The following ZNF385B variants were observed in gnomAD, a reference collection of about 807,000 sequenced individuals.
ZNF385B encodes zinc finger protein 385B, also known as zinc finger protein 533.
A neutral mutation model predicts 39.2 loss-of-function variants in ZNF385B; 23 were observed. The observed-to-expected ratio is 0.59, with a 90% CI of 0.42 to 0.83. The LOEUF is 0.83. Among genes scored for constraint, ZNF385B ranks in the 40% least tolerant of loss-of-function variants. ZNF385B has a pLI of 0.00. For synonymous variants in ZNF385B, 205 were observed against 222.6 expected (o/e 0.92, Z 0.70); for missense variants, 552 against 598.9 (o/e 0.92, Z 0.82).
chr2:179,578,250 C>T (rs373289543), intron 3 of ZNF385B, among the ~76,000 whole-genome samples: 28 of 152,052 alleles, frequency 1.8e-4, no homozygotes, highest in African/African-American at 5.6e-4. Context: ...TTCATTCTAA[C>T]GAAGACAGGG....
chr2:179,581,456 T>C (rs776482530), intron 3 of ZNF385B, among the ~76,000 whole-genome samples: 17 of 151,900 alleles, frequency 1.1e-4, no homozygotes, highest in Non-Finnish European at 1.6e-4. Flanking sequence ...AATGCAAACA[T>C]AGTTTCCTAG....
intron 5 of ZNF385B, among the ~76,000 whole-genome samples, chr2:179,493,750 T>C (rs1236384236): frequency 3.8e-5 from 5 of 130,520 alleles, no homozygotes; most frequent in African/African-American, 6.1e-5. Flanking sequence ...TACATATGTG[T>C]ATATACATAT....
In ZNF385B at chr2:179,623,062, C is replaced by T. The variant is rs79549589; in HGVS notation, c.299-78093G>A. Among the ~76,000 whole-genome samples the T allele has an allele frequency of 3.0e-3, 453 of 152,256 alleles. 5 individuals are homozygous for T. The highest frequency in any genetic ancestry group is 0.01 in the African/African-American group (429 of 41,556). ...CAAAACTGAAAATGTTGGCACTTGG[C>T]GCTAAGAAGTTGTGATGCACTTGAG... On this transcript the variant is annotated intron_variant, in intron 3 of 9. Coordinates refer to ENST00000410066, the MANE Select transcript of ZNF385B (RefSeq NM_152520.6).
intron 3 of ZNF385B, among the ~76,000 whole-genome samples, chr2:179,625,813 G>C (rs949049133): frequency 6.6e-6 from 1 of 152,156 alleles, no homozygotes; most frequent in Non-Finnish European, 1.5e-5. Flanking sequence ...GACAGGTCAT[G>C]TAGTAAGATC....
intron 3 of ZNF385B, among the ~76,000 whole-genome samples, chr2:179,694,956 A>AGAGGAGGAGGAGGAG (rs71994313): frequency 1.3e-5 from 2 of 148,592 alleles, no homozygotes; most frequent in Non-Finnish European, 3.0e-5. Context: ...AAAAGAAAGA[A>AGAGGAGGAGGAGGAG]GAGGAGGAGG....
At chr2:179,475,418 A>G (rs895874182) in intron 6 of ZNF385B, among the ~76,000 whole-genome samples, 2 of 151,774 alleles carry the variant, frequency 1.3e-5, no homozygotes, top group South Asian at 2.1e-4. Context: ...TGCCCAGCTA[A>G]TTTTTGTATT....
At chr2:179,473,871 G>A (rs1430022398) in intron 6 of ZNF385B, among the ~76,000 whole-genome samples, 1 of 152,094 alleles carries the variant, frequency 6.6e-6, no homozygotes, top group Non-Finnish European at 1.5e-5. Flanking sequence ...TCTTTTTTAT[G>A]GCTGCATAGT....
chr2:179,814,491 A>T (rs1311383648), intron 1 of ZNF385B: 10 of 611,088 alleles, frequency 1.6e-5, no homozygotes, highest in African/African-American at 7.6e-5. Context: ...TCCATGCACT[A>T]TCATGTTTTT....
chr2:179,517,708 T>C (rs1446356200), intron 5 of ZNF385B, among the ~76,000 whole-genome samples: 1 of 152,182 alleles, frequency 6.6e-6, no homozygotes, highest in Non-Finnish European at 1.5e-5. Context: ...CTTCGGATTC[T>C]GATTTACATC....
chr2:179,491,355 T>C (rs1054159849), intron 5 of ZNF385B, among the ~76,000 whole-genome samples: 1 of 152,216 alleles, frequency 6.6e-6, no homozygotes, highest in Non-Finnish European at 1.5e-5. Context: ...CAAATGTATA[T>C]GTAAACTCTT....
chr2:179,447,541 C>G (rs2049627221), intron 6 of ZNF385B, among the ~76,000 whole-genome samples: 1 of 152,286 alleles, frequency 6.6e-6, no homozygotes, highest in African/African-American at 2.4e-5. Flanking sequence ...TTAACAGAAT[C>G]TAACTCATTG....
At chr2:179,700,110 C>A (rs1294603144) in intron 3 of ZNF385B, among the ~76,000 whole-genome samples, 1 of 150,728 alleles carries the variant, frequency 6.6e-6, no homozygotes, top group Admixed American at 6.6e-5. Flanking sequence ...AAAAAAGTTA[C>A]CATTTTCATC....
In ZNF385B at chr2:179,698,292, T is replaced by C. The variant is rs1242770459; in HGVS notation, c.298+71211A>G. ...TTTGATATTAGAATACACAGCTAGC[T>C]ATCTTTCAGTAAAACACGGTTAAAG... On this transcript the variant is annotated intron_variant, in intron 3 of 9. Coordinates refer to ENST00000410066, the MANE Select transcript of ZNF385B (RefSeq NM_152520.6). 2.0e-5 allele frequency among the ~76,000 whole-genome samples: 3 copies of C among 152,242 alleles called. No homozygotes were observed. In the East Asian group the frequency reaches 5.8e-4, roughly 29 times the overall value.
intron 5 of ZNF385B, among the ~76,000 whole-genome samples, chr2:179,500,741 A>G (rs2056677064): frequency 6.6e-6 from 1 of 152,196 alleles, no homozygotes; most frequent in South Asian, 2.1e-4. Flanking sequence ...GCAAAAATGG[A>G]CAAATGGGAT....
intron 3 of ZNF385B, among the ~76,000 whole-genome samples, chr2:179,620,881 G>A (rs1690151705): frequency 6.6e-6 from 1 of 152,016 alleles, no homozygotes; most frequent in African/African-American, 2.4e-5. Flanking sequence ...TTCACATTAT[G>A]CTCTGCACTA....
At chr2:179,461,605 A>T (rs939522601) in intron 6 of ZNF385B, among the ~76,000 whole-genome samples, 2 of 152,228 alleles carry the variant, frequency 1.3e-5, no homozygotes, top group African/African-American at 2.4e-5. Context: ...TTAGCCAGAA[A>T]AACCTGGCTA....
chr2:179,705,065 A>ATT (rs150026547), intron 3 of ZNF385B, among the ~76,000 whole-genome samples: 2 of 150,840 alleles, frequency 1.3e-5, no homozygotes, highest in African/African-American at 4.9e-5. Flanking sequence ...TCATAAATCT[A>ATT]TTTTTTTTTG....
At chr2:179,775,267 T>C (rs981943877) in intron 1 of ZNF385B, among the ~76,000 whole-genome samples, 2 of 152,200 alleles carry the variant, frequency 1.3e-5, no homozygotes, top group African/African-American at 4.8e-5. Context: ...AAACACTGAT[T>C]ATAGACAATA....
At chr2:179,563,519 G>A (rs1315587538) in intron 3 of ZNF385B, among the ~76,000 whole-genome samples, 1 of 152,140 alleles carries the variant, frequency 6.6e-6, no homozygotes, top group East Asian at 1.9e-4. Context: ...CAAGTTCTGA[G>A]ATTTAGTATA....
Sources: allele counts gnomAD v4.1 joint callset (sites outside exome capture counted in the v4.1 genomes callset), GRCh38; gene constraint gnomAD v4.1.1; transcripts MANE v1.5; gene names NCBI Gene and HGNC (gene_info 2026-07-23, HGNC 2026-07-21).